GLMN: variants seen among roughly 807,000 people sequenced by gnomAD.
GLMN encodes the protein glomulin.
GLMN carries 75 observed loss-of-function variants against 87.8 expected under a neutral mutation model. That is an observed-to-expected ratio of 0.85 (90% confidence interval 0.71 to 1.04). The LOEUF is 1.04. Ranked by LOEUF, GLMN falls within the 50% of genes least tolerant of loss-of-function variation. GLMN has a pLI of 0.00. For synonymous variants in GLMN, 206 were observed against 221.6 expected (o/e 0.93, Z 0.63); for missense variants, 588 against 658.8 (o/e 0.89, Z 1.18).
chr1:92,284,622 G>A (rs1648510403), intron 7 of GLMN, among the ~76,000 whole-genome samples: 2 of 151,954 alleles, frequency 1.3e-5, no homozygotes, highest in African/African-American at 4.8e-5. Context: ...TAGACAAATG[G>A]GATTAATTAA....
chr1:92,339,626 GT>G, the GLMN span, among the ~76,000 whole-genome samples: 1 of 151,442 alleles, frequency 6.6e-6, no homozygotes, highest in East Asian at 1.9e-4. Flanking sequence ...CTTCACAGTT[GT>G]TTTTTTTCTC....
the GLMN span, among the ~76,000 whole-genome samples, chr1:92,305,514 A>C: frequency 6.6e-6 from 1 of 150,872 alleles, no homozygotes; most frequent in Non-Finnish European, 1.5e-5. Flanking sequence ...GGAAAATTAT[A>C]GGCCAAAGAG....
the GLMN span, among the ~76,000 whole-genome samples, chr1:92,342,251 G>C: frequency 6.6e-6 from 1 of 152,196 alleles, no homozygotes; most frequent in African/African-American, 2.4e-5. Flanking sequence ...GGAGGTAAGG[G>C]AGCAAGCTGT....
chr1:92,253,370 A>C (rs1442059198), intron 16 of GLMN, among the ~76,000 whole-genome samples: 1 of 152,212 alleles, frequency 6.6e-6, no homozygotes, highest in Non-Finnish European at 1.5e-5. Flanking sequence ...CCTGCCTGCC[A>C]GCTCTGAAGA....
the GLMN span, among the ~76,000 whole-genome samples, chr1:92,326,150 A>G: frequency 6.6e-6 from 1 of 152,050 alleles, no homozygotes; most frequent in Non-Finnish European, 1.5e-5. Flanking sequence ...CACTACTACT[A>G]TATGGGAGTT....
the GLMN span, among the ~76,000 whole-genome samples, chr1:92,308,565 A>T: frequency 6.6e-6 from 1 of 152,156 alleles, no homozygotes; most frequent in Non-Finnish European, 1.5e-5. Flanking sequence ...TGCCACCCTC[A>T]TATCTACCTC....
intron 7 of GLMN, among the ~76,000 whole-genome samples, chr1:92,282,848 C>T (rs1263934311): frequency 6.6e-6 from 1 of 152,128 alleles, no homozygotes; most frequent in Non-Finnish European, 1.5e-5. Flanking sequence ...AGTATAAACA[C>T]CTCTATGCAA....
the GLMN span, among the ~76,000 whole-genome samples, chr1:92,312,079 T>C: frequency 6.6e-6 from 1 of 152,324 alleles, no homozygotes. Flanking sequence ...CATTAGATGC[T>C]GTTTGATAGC....
chr1:92,347,853 G>C, the GLMN span, among the ~76,000 whole-genome samples: 1 of 152,102 alleles, frequency 6.6e-6, no homozygotes, highest in East Asian at 1.9e-4. Context: ...TTGAATTCAC[G>C]GAACAAATTG....
chr1:92,269,782 A>T lies in GLMN; in HGVS notation c.924-6T>A, dbSNP rs757468283. The T allele has an allele frequency of 1.3e-6, 2 of 1,571,962 alleles. No homozygotes were observed. Among genetic ancestry groups the T allele is most frequent in the Admixed American group, 3.3e-5 (2 of 59,952 alleles). ...ACTGCAAAAGGTACAATGGGCTAAA[A>T]TAGAAACAAAACAAATATATATATT... is the stretch of plus-strand genomic sequence containing the variant. On this transcript the variant is annotated splice_polypyrimidine_tract_variant and splice_region_variant and intron_variant, in intron 8 of 18. Transcript: ENST00000370360.
the GLMN span, among the ~76,000 whole-genome samples, chr1:92,333,003 A>G: frequency 1.3e-5 from 2 of 152,160 alleles, no homozygotes; most frequent in South Asian, 2.1e-4. Context: ...TAGAATGGTT[A>G]GGGGTCAAAT....
At chr1:92,275,971 C>T (rs1435357536) in intron 7 of GLMN, among the ~76,000 whole-genome samples, 4 of 152,150 alleles carry the variant, frequency 2.6e-5, no homozygotes, top group Non-Finnish European at 5.9e-5. Flanking sequence ...CCTGTAATTC[C>T]AGCACTTTGG....
chr1:92,273,610 ATTTT>A (rs959828963), intron 7 of GLMN, among the ~76,000 whole-genome samples: 2 of 147,502 alleles, frequency 1.4e-5, no homozygotes, highest in South Asian at 2.2e-4. Flanking sequence ...CATGCCCGCT[ATTTT>A]TTTTTTATTT....
At chr1:92,266,847 TAGGAGA>T in intron 11 of GLMN, 106 bp from the exon 12 acceptor site, 1 of 721,990 alleles carries the variant, frequency 1.4e-6, no homozygotes, top group Non-Finnish European at 2.4e-6. Flanking sequence ...GAAGTGAGGG[TAGGAGA>T]TTTAAAAGTG....
the GLMN span, among the ~76,000 whole-genome samples, chr1:92,355,006 G>A: frequency 2.0e-5 from 3 of 151,254 alleles, no homozygotes; most frequent in African/African-American, 7.3e-5. Context: ...TCAAGCAATC[G>A]TCCCACCTCA....
At chr1:92,355,773 GGA>G in the GLMN span, among the ~76,000 whole-genome samples, 12 of 152,154 alleles carry the variant, frequency 7.9e-5, no homozygotes, top group African/African-American at 2.9e-4. Flanking sequence ...AATACTCATT[GGA>G]GTGTTTCAGA....
At chr1:92,353,646 A>C in the GLMN span, among the ~76,000 whole-genome samples, 4 of 152,076 alleles carry the variant, frequency 2.6e-5, no homozygotes, top group Non-Finnish European at 5.9e-5. Flanking sequence ...GCTTATATAC[A>C]TCTTGAATTT....
At chr1:92,270,279 A>G (rs1255271479) in intron 8 of GLMN, among the ~76,000 whole-genome samples, 2 of 152,206 alleles carry the variant, frequency 1.3e-5, no homozygotes, top group Non-Finnish European at 2.9e-5. Flanking sequence ...CATATGCTGT[A>G]TAAGTTATTT....
chr1:92,295,372 T>C (rs1411454385), intron 3 of GLMN, among the ~76,000 whole-genome samples: 1 of 151,884 alleles, frequency 6.6e-6, no homozygotes, highest in Non-Finnish European at 1.5e-5. Flanking sequence ...GTAATTAAAG[T>C]CTCACAGATA....
Sources: gnomAD v4.1 joint callset for allele counts (sites outside exome capture counted in the v4.1 genomes callset) on GRCh38, gnomAD v4.1.1 for gene constraint, MANE v1.5 for transcripts, NCBI Gene and HGNC (gene_info 2026-07-23, HGNC 2026-07-21) for gene names.